The following NOTCH3 variants were observed in gnomAD, a reference collection of about 807,000 sequenced individuals.
NOTCH3 encodes the protein neurogenic locus notch homolog protein 3.
A neutral mutation model predicts 213.3 loss-of-function variants in NOTCH3; 86 were observed. That is an observed-to-expected ratio of 0.40 (90% CI 0.34 to 0.48). NOTCH3 has a LOEUF of 0.48. NOTCH3 is among the 20% of genes least tolerant of loss of function. NOTCH3 has a pLI of 0.57. For missense variants in NOTCH3, 2,783 were observed against 3,272.6 expected, an observed-to-expected ratio of 0.85 and a Z score of 3.65; for synonymous variants, 1,354 against 1,355.9, an observed-to-expected ratio of 1.00 and a Z score of 0.03.
At chr19:15,184,181 G>T (rs1007824488) in intron 16 of NOTCH3, 114 bp downstream of exon 16, 1 of 1,124,120 alleles carries the variant, frequency 8.9e-7, no homozygotes, top group African/African-American at 1.5e-5. Context: ...TAAATAAAAC[G>T]GGAAAAGTAA....
chr19:15,188,191 T>C, intron 9 of NOTCH3, 44 bp downstream of exon 9: 1 of 1,460,230 alleles, frequency 6.8e-7, no homozygotes, highest in Admixed American at 1.9e-5. Context: ...TTTTTGCCCC[T>C]TCCCAGACAT....
At chr19:15,175,552 A>AAAAAAAATATAT (rs1273195882) in intron 24 of NOTCH3, among the ~76,000 whole-genome samples, 2 of 24,004 alleles carry the variant, frequency 8.3e-5, no homozygotes, top group Non-Finnish European at 2.5e-4. Context: ...AAAAAAAAAA[A>AAAAAAAATATAT]ATACATATAT....
rs2145381603 is a variant in NOTCH3 at position 15,161,231 on chromosome 19, T to A, written c.6397A>T (p.Thr2133Ser). Reference protein sequence around the residue: ...LEGPYAAATATAVSLAQLGGP... With the variant: ...LEGPYAAATASAVSLAQLGGP... ...CCAAGCTGTGCCAGAGACACTGCAGTGGCAGTGGCAGCTGCATAGGGCCCC... is the reference window on the plus strand; with the variant it reads ...CCAAGCTGTGCCAGAGACACTGCAGAGGCAGTGGCAGCTGCATAGGGCCCC... Residue 2133 changes from threonine to serine, a missense_variant, in exon 33 of 33, where the codon ACT (threonine) becomes TCT (serine). Around this residue, in one of 6 missense-constraint regions of NOTCH3, gnomAD observed 441 missense variants for 432.1 expected, o/e 1.02. Transcript: ENST00000263388. The A allele has an allele frequency of 6.5e-7, 1 of 1,547,292 alleles. No individual in the cohort carries two copies. Among genetic ancestry groups the A allele is most frequent in the Admixed American group, 2.0e-5 (1 of 50,770 alleles).
rs2046665752 is a variant in NOTCH3, at chr19:15,164,073, C to A, written c.5815+1295G>T. 1.3e-5 allele frequency among the ~76,000 whole-genome samples: 2 copies of A among 152,072 alleles called. 1 individual carries two copies. Among genetic ancestry groups the A allele is most frequent in the Admixed American group, 1.3e-4 (2 of 15,272 alleles). ...GATGAGGGGCTTGGCAGATGATGGC[C>A]AAGTGGTGAGAATTTATTTTTCAGG... On this transcript the variant is annotated intron_variant, in intron 31 of 32. Transcript: ENST00000263388.
Position 15,161,676 on chromosome 19 carries a change from G to A in NOTCH3, c.5952C>T (p.Ser1984=), listed in dbSNP as rs773935272. The change falls in exon 33 of 33, where the codon AGC becomes AGT. Residue 1984 remains serine, a synonymous_variant. Coordinates refer to ENST00000263388, the MANE Select transcript of NOTCH3 (RefSeq NM_000435.3). ...CCAACAGCAGCTTGGCAGCCTCATA[G>A]CTGCCCTCGCGGGCGGCCAGGAATA... is the stretch of plus-strand genomic sequence containing the variant. The part of the protein sequence containing the change: ...TPLFLAAREG[S]YEAAKLLLDH... 3.7e-6 allele frequency: 6 copies of A among 1,613,914 alleles called. No homozygotes were observed. The highest frequency in any genetic ancestry group is 5.1e-6 in the Non-Finnish European group (6 of 1,179,952).
intron 24 of NOTCH3, among the ~76,000 whole-genome samples, chr19:15,175,529 T>C (rs2046780085): frequency 1.3e-5 from 1 of 75,318 alleles, no homozygotes. Flanking sequence ...AGAGAAATCC[T>C]GTCTAAAAAA....
chr19:15,184,212 G>A, intron 16 of NOTCH3, 83 bp downstream of exon 16: 1 of 1,341,062 alleles, frequency 7.5e-7, no homozygotes, highest in Middle Eastern at 1.8e-4. Context: ...AAGATGAAAT[G>A]ACAGCACAGT....
Position 15,165,412 on chromosome 19 carries a change from T to G in NOTCH3, c.5771A>C (p.Glu1924Ala). The change falls in exon 31 of 33, where the codon GAG (glutamate) becomes GCG (alanine). Residue 1924 changes from glutamate (E) to alanine (A), a missense_variant. By Grantham distance (107) the Glu-to-Ala change is moderately radical. Transcript: ENST00000263388. This position sits in a 1 kb window ranked among gnomAD's most constrained non-coding sequence, Gnocchi z 4.7. ...ARLAVEGMVE[E>A]LIASHADVNA... ...GACATCAGCATGGCTGGCGATGAGCTCTTCCACCATGCCCTCTACTGCCAG... is the reference window on the plus strand; with the variant it reads ...GACATCAGCATGGCTGGCGATGAGCGCTTCCACCATGCCCTCTACTGCCAG... 1 of 1,611,000 alleles carries G rather than the reference T, an allele frequency of 6.2e-7. No individual in the cohort carries two copies. The highest frequency in any genetic ancestry group is 8.5e-7 in the Non-Finnish European group (1 of 1,180,016).
At chr19:15,189,481 G>A in intron 6 of NOTCH3, 53 bp from the exon 7 acceptor site, 1 of 1,590,272 alleles carries the variant, frequency 6.3e-7, no homozygotes, top group Non-Finnish European at 8.6e-7. Flanking sequence ...CTGCCCAAAA[G>A]GCCCACACCC....
Position 15,167,293 on chromosome 19 carries a change from C to A in NOTCH3, c.5318G>T (p.Gly1773Val), listed in dbSNP as rs2145394619. 6.2e-7 allele frequency: 1 copy of A among 1,613,714 alleles called. No homozygotes were observed. Among genetic ancestry groups the A allele is most frequent in the Admixed American group, 1.7e-5 (1 of 60,030 alleles). ...ATCCATGCCATCAGCATCTGCGTCG[C>A]CCTGTGGTGGTGTCAGTGCCATGGC... ...APAMALTPPQ[G>V]DADADGMDVN... is the part of the protein sequence containing the mutation. The change falls in exon 29 of 33, where the codon GGC (glycine) becomes GTC (valine). Residue 1773 changes from glycine (G) to valine (V), a missense_variant. Physicochemically the swap from Gly to Val is moderately radical, Grantham distance 109 (BLOSUM62 -3). Around this residue, in one of 6 missense-constraint regions of NOTCH3, gnomAD observed 636 missense variants for 801.8 expected, o/e 0.79. Transcript: ENST00000263388.
chr19:15,170,642 G>T (rs1288908751), intron 26 of NOTCH3, 29 bp downstream of exon 26: 1 of 765,754 alleles, frequency 1.3e-6, no homozygotes, highest in Admixed American at 2.5e-5. Context: ...CTCCGCCCCC[G>T]CCACCCCCTC....
Position 15,184,503 on chromosome 19 carries a change from C to A in NOTCH3, c.2411-53G>T. On this transcript the variant is annotated intron_variant, in intron 15 of 32. Transcript: ENST00000263388. ...AGGGTTACAGGGTACAGAGCAGGGTCTCAGGGACCTGGGGCTCAGGAAGAA... is the reference window on the plus strand; with the variant it reads ...AGGGTTACAGGGTACAGAGCAGGGTATCAGGGACCTGGGGCTCAGGAAGAA... The A allele has an allele frequency of 3.8e-6, 6 of 1,575,228 alleles. 1 individual carries two copies. In the Admixed American group the frequency reaches 1.0e-4, roughly 26 times the overall value.
At chr19:15,181,961 C>T (rs1227683874) in intron 16 of NOTCH3, among the ~76,000 whole-genome samples, 160 bp from the exon 17 acceptor site, 1 of 152,212 alleles carries the variant, frequency 6.6e-6, no homozygotes, top group Admixed American at 6.5e-5. Context: ...CCTTCTGTGG[C>T]CTCGTCCCCT....
chr19:15,168,112 T>A (rs926367873), intron 28 of NOTCH3, among the ~76,000 whole-genome samples: 5 of 152,092 alleles, frequency 3.3e-5, no homozygotes, highest in Non-Finnish European at 5.9e-5. Context: ...GGATAGCATC[T>A]GATCCAGGTT....
At chr19:15,171,896 T>C (rs1256569956) in intron 25 of NOTCH3, among the ~76,000 whole-genome samples, 2 of 151,656 alleles carry the variant, frequency 1.3e-5, no homozygotes, top group African/African-American at 4.9e-5. Context: ...TGTATTTGTT[T>C]GTTTGTTTGC....
chr19:15,180,599 C>T, intron 19 of NOTCH3, 82 bp downstream of exon 19: 1 of 1,479,658 alleles, frequency 6.8e-7, no homozygotes, highest in Non-Finnish European at 9.1e-7. Flanking sequence ...TGTGGCACCC[C>T]CATTCGGCTC....
chr19:15,195,461 C>A (rs893359200), intron 2 of NOTCH3, among the ~76,000 whole-genome samples: 1 of 151,812 alleles, frequency 6.6e-6, no homozygotes, highest in East Asian at 1.9e-4. Context: ...ACCCTCACCC[C>A]CCTCTATCCC....
At chr19:15,171,449 A>C (rs962536852) in intron 25 of NOTCH3, among the ~76,000 whole-genome samples, 6 of 152,158 alleles carry the variant, frequency 3.9e-5, no homozygotes, top group African/African-American at 1.4e-4. Context: ...TCCCGCCTTC[A>C]AGCAATCTTT....
rs1318764546 is a variant in NOTCH3, at chr19:15,177,437, G to A, written c.4403+88C>T. 1.2e-5 allele frequency: 14 copies of A among 1,210,312 alleles called. No homozygotes were observed. The East Asian group carries it at 3.0e-4, about 26-fold the overall frequency. The allele number at this position is 1,210,312 out of a possible 1,614,324, so 75.0% of individuals were successfully genotyped here. On this transcript the variant is annotated intron_variant, in intron 24 of 32. Coordinates refer to ENST00000263388, the MANE Select transcript of NOTCH3 (RefSeq NM_000435.3). ...AGAGAAACAGACGGGGCAAGTGGATGGGCAGGTGGAAAGAGAGGCAGGGCC... is the reference window on the plus strand; with the variant it reads ...AGAGAAACAGACGGGGCAAGTGGATAGGCAGGTGGAAAGAGAGGCAGGGCC...
Sources: allele counts gnomAD v4.1 joint callset (sites outside exome capture counted in the v4.1 genomes callset), GRCh38; gene constraint gnomAD v4.1.1; regional missense constraint gnomAD v4.1.1; non-coding constraint Gnocchi (gnomAD v3.1); transcripts MANE v1.5; gene names NCBI Gene and HGNC (gene_info 2026-07-23, HGNC 2026-07-21).